HS3ST2: variants seen among roughly 807,000 people sequenced by gnomAD.
HS3ST2 encodes the protein heparan sulfate-glucosamine 3-sulfotransferase 2, also known as heparan sulfate glucosamine 3-O-sulfotransferase 2.
HS3ST2 carries 17 observed loss-of-function variants against 26.3 expected under a neutral mutation model. The observed-to-expected ratio is 0.65, with a 90% CI of 0.44 to 0.97. The LOEUF (loss-of-function observed/expected upper bound fraction) is 0.97, where lower values mean the gene tolerates loss of function less well. Among genes scored for constraint, HS3ST2 ranks in the 50% least tolerant of loss-of-function variants. The pLI is 0.00. For synonymous variants in HS3ST2, 237 were observed against 219.2 expected, an observed-to-expected ratio of 1.08 and a Z score of -0.72; for missense variants, 402 against 501.2, an observed-to-expected ratio of 0.80 and a Z score of 1.89.
chr16:22,847,826 G>GA lies in HS3ST2; in HGVS notation c.485+32738dup, dbSNP rs566048268. Among the ~76,000 whole-genome samples, 441 of 107,270 alleles carry GA rather than the reference G, an allele frequency of 4.1e-3. 1 individual carries two copies. The highest frequency in any genetic ancestry group is 7.3e-3 in the South Asian group (25 of 3,416). 70.4% of individuals were successfully genotyped at this position (107,270 alleles called of 152,430 possible). ...GGAGAAGGAGGAGGAGGAGAAGAAA[G>GA]AAAAAAATAAAGAAAAGGAAGGAAG... On this transcript the variant is annotated intron_variant, in intron 1 of 1. Transcript: ENST00000261374.
chr16:22,908,218 G>A (rs1902379777), intron 1 of HS3ST2, among the ~76,000 whole-genome samples: 1 of 152,190 alleles, frequency 6.6e-6, no homozygotes, highest in African/African-American at 2.4e-5. Flanking sequence ...AATTTGTAAA[G>A]GGGATGAGGG....
At chr16:22,880,056 G>T (rs1172470297) in intron 1 of HS3ST2, among the ~76,000 whole-genome samples, 2 of 152,150 alleles carry the variant, frequency 1.3e-5, no homozygotes, top group African/African-American at 2.4e-5. Flanking sequence ...TTAGGTATTG[G>T]AGAGTAATCA....
intron 1 of HS3ST2, among the ~76,000 whole-genome samples, chr16:22,872,848 C>T (rs1190249376): frequency 6.6e-6 from 1 of 152,148 alleles, no homozygotes; most frequent in Non-Finnish European, 1.5e-5. Flanking sequence ...ATAAGAGTCA[C>T]ATTGTATAAA....
At chr16:22,882,935 G>T (rs997749767) in intron 1 of HS3ST2, among the ~76,000 whole-genome samples, 1 of 151,374 alleles carries the variant, frequency 6.6e-6, no homozygotes, top group African/African-American at 2.4e-5. Flanking sequence ...AGAGGCTGAG[G>T]CAGGAAAATC....
chr16:22,903,255 T>C (rs1436845050), intron 1 of HS3ST2, among the ~76,000 whole-genome samples: 1 of 152,236 alleles, frequency 6.6e-6, no homozygotes, highest in Non-Finnish European at 1.5e-5. Context: ...GTTTCCTCAG[T>C]ACAAAAACTG....
chr16:22,831,793 C>T (rs371524305), intron 1 of HS3ST2, among the ~76,000 whole-genome samples: 1 of 152,086 alleles, frequency 6.6e-6, no homozygotes, highest in East Asian at 1.9e-4. Flanking sequence ...GGGCTTAGGG[C>T]AGCGGGGAGG....
At chr16:22,835,420 G>A (rs1262342329) in intron 1 of HS3ST2, among the ~76,000 whole-genome samples, 2 of 152,020 alleles carry the variant, frequency 1.3e-5, no homozygotes, top group Non-Finnish European at 2.9e-5. Context: ...CCATGTTATG[G>A]CTGCCAAGTA....
intron 1 of HS3ST2, among the ~76,000 whole-genome samples, chr16:22,859,924 C>T (rs1901651092): frequency 1.3e-5 from 2 of 152,048 alleles, no homozygotes; most frequent in Non-Finnish European, 1.5e-5. Flanking sequence ...TGAGCGTGTG[C>T]ACCCCAGCTC....
intron 1 of HS3ST2, among the ~76,000 whole-genome samples, chr16:22,914,564 G>T (rs1384655988): frequency 2.0e-5 from 3 of 151,578 alleles, no homozygotes; most frequent in South Asian, 2.1e-4. Flanking sequence ...ACTTAGCCAG[G>T]CATGATGGCA....
rs1004508334 is a variant in HS3ST2, at chr16:22,849,429, G to A, written c.485+34334G>A. Reference sequence around the variant, plus strand: ...TATATGGAAATACTATCTTTTTTGCGGGGGGGTATGTCTAGTTCTTATTCT... The same window carrying A: ...TATATGGAAATACTATCTTTTTTGCAGGGGGGTATGTCTAGTTCTTATTCT... On this transcript the variant is annotated intron_variant, in intron 1 of 1. Transcript: ENST00000261374. 6.6e-5 allele frequency among the ~76,000 whole-genome samples: 10 copies of A among 151,586 alleles called. No homozygotes were observed. In the East Asian group the frequency reaches 7.7e-4, roughly 12 times the overall value.
At chr16:22,896,693 T>G (rs1467887713) in intron 1 of HS3ST2, among the ~76,000 whole-genome samples, 2 of 152,244 alleles carry the variant, frequency 1.3e-5, no homozygotes, top group Non-Finnish European at 2.9e-5. Flanking sequence ...TTCTTTTTGG[T>G]ACTAGCTTAC....
At chr16:22,851,430 A>G (rs1199563594) in intron 1 of HS3ST2, among the ~76,000 whole-genome samples, 1 of 152,252 alleles carries the variant, frequency 6.6e-6, no homozygotes, top group Non-Finnish European at 1.5e-5. Context: ...CAAAGAGCCA[A>G]TAATTGGCAA....
intron 1 of HS3ST2, among the ~76,000 whole-genome samples, chr16:22,844,008 TACACAC>T (rs71876208): frequency 0.29 from 43,586 of 148,432 alleles, 6,511 homozygotes; most frequent in East Asian, 0.35. Context: ...GATGAAAACC[TACACAC>T]ACACACACAC....
intron 1 of HS3ST2, among the ~76,000 whole-genome samples, chr16:22,909,814 G>A (rs1385559544): frequency 6.6e-6 from 1 of 152,104 alleles, no homozygotes; most frequent in Non-Finnish European, 1.5e-5. Flanking sequence ...GCCAAGGTGT[G>A]CGGATCACCT....
chr16:22,842,248 G>A (rs1901369993), intron 1 of HS3ST2, among the ~76,000 whole-genome samples: 1 of 151,626 alleles, frequency 6.6e-6, no homozygotes, highest in Non-Finnish European at 1.5e-5. Flanking sequence ...TTTTAGCAGA[G>A]ATAGGGTTTT....
chr16:22,891,261 C>T (rs1902124534), intron 1 of HS3ST2, among the ~76,000 whole-genome samples: 2 of 152,190 alleles, frequency 1.3e-5, no homozygotes, highest in Non-Finnish European at 2.9e-5. Context: ...TTAATCATAA[C>T]TACAGCTAGC....
chr16:22,829,036 C>T (rs1015002710), intron 1 of HS3ST2, among the ~76,000 whole-genome samples: 2 of 152,214 alleles, frequency 1.3e-5, no homozygotes, highest in African/African-American at 4.8e-5. Flanking sequence ...ATTTGGGCAT[C>T]ATTCAAATGG....
At chr16:22,849,596 G>A (rs936368391) in intron 1 of HS3ST2, among the ~76,000 whole-genome samples, 1 of 152,168 alleles carries the variant, frequency 6.6e-6, no homozygotes, top group Non-Finnish European at 1.5e-5. Flanking sequence ...TGGCCCCTCA[G>A]GGACCCAGTT....
intron 1 of HS3ST2, among the ~76,000 whole-genome samples, chr16:22,853,779 T>G (rs1180620295): frequency 6.6e-6 from 1 of 152,082 alleles, no homozygotes; most frequent in Non-Finnish European, 1.5e-5. Context: ...ACTGCCATGA[T>G]CACAAAAATT....
Sources: allele counts gnomAD v4.1 joint callset (sites outside exome capture counted in the v4.1 genomes callset), GRCh38; gene constraint gnomAD v4.1.1; transcripts MANE v1.5; gene names NCBI Gene and HGNC (gene_info 2026-07-23, HGNC 2026-07-21).